TEX264: variants seen among roughly 807,000 people sequenced by gnomAD.
TEX264 encodes testis expressed 264, ER-phagy receptor, also known as testis-expressed protein 264.
A neutral mutation model predicts 23.4 loss-of-function variants in TEX264; 13 were observed. The ratio of observed to expected loss-of-function variants is 0.56; its 90% CI spans 0.36 to 0.88. TEX264 has a LOEUF of 0.88. Among genes scored for constraint, TEX264 ranks in the 40% least tolerant of loss-of-function variants. The pLI is 0.01. For missense variants in TEX264, 340 were observed against 406.8 expected, an observed-to-expected ratio of 0.84 and a Z score of 1.41; for synonymous variants, 159 against 170.0, an observed-to-expected ratio of 0.94 and a Z score of 0.50.
chr3:51,702,001 C>T (rs1169627685), intron 4 of TEX264, among the ~76,000 whole-genome samples: 1 of 152,154 alleles, frequency 6.6e-6, no homozygotes, highest in Non-Finnish European at 1.5e-5. Flanking sequence ...GCAGGCTGTC[C>T]TGGCCTGAAG....
intron 3 of TEX264, among the ~76,000 whole-genome samples, chr3:51,690,191 TG>T (rs1186554292): frequency 6.6e-6 from 1 of 152,120 alleles, no homozygotes; most frequent in Non-Finnish European, 1.5e-5. Flanking sequence ...GAGTCCACAC[TG>T]GGGCCAAAAC....
chr3:51,689,096 GT>G (rs995599968), intron 3 of TEX264, among the ~76,000 whole-genome samples: 2 of 152,050 alleles, frequency 1.3e-5, no homozygotes, highest in African/African-American at 4.8e-5. Flanking sequence ...TCTATCCTGG[GT>G]GACAGAGTGA....
intron 4 of TEX264, among the ~76,000 whole-genome samples, chr3:51,701,844 C>T (rs572237731): frequency 9.9e-5 from 15 of 152,258 alleles, no homozygotes; most frequent in African/African-American, 3.6e-4. Flanking sequence ...GTTGGCCAGG[C>T]TGGTCTGGAA....
intron 3 of TEX264, among the ~76,000 whole-genome samples, chr3:51,695,111 A>G (rs1703004741): frequency 6.6e-6 from 1 of 152,102 alleles, no homozygotes; most frequent in East Asian, 1.9e-4. Flanking sequence ...GCATCACTTC[A>G]CCCAGTGAGG....
At chr3:51,695,457 A>G (rs906433791) in intron 3 of TEX264, among the ~76,000 whole-genome samples, 2 of 152,146 alleles carry the variant, frequency 1.3e-5, no homozygotes, top group Admixed American at 6.6e-5. Context: ...TTTGCTCCCA[A>G]TCCCTAGCTG....
In TEX264 at chr3:51,701,983, T is replaced by C. The variant is rs1240203122; in HGVS notation, c.650-1741T>C. ...GTATATATGTCTCCAGGGGCTGTCT[T>C]CATTTCAGCAGGCTGTCCTGGCCTG... On this transcript the variant is annotated intron_variant, in intron 4 of 4. Coordinates refer to ENST00000341333, the MANE Select transcript of TEX264 (RefSeq NM_015926.6). Among the ~76,000 whole-genome samples the C allele has an allele frequency of 3.3e-5, 5 of 152,140 alleles. No homozygotes were observed. The South Asian group carries it at 8.3e-4, about 25-fold the overall frequency.
chr3:51,680,578 C>T (rs1356463380), intron 2 of TEX264, among the ~76,000 whole-genome samples: 2 of 152,240 alleles, frequency 1.3e-5, no homozygotes, highest in African/African-American at 2.4e-5. Flanking sequence ...TTTGAGGACA[C>T]ATCCTGGATG....
intron 3 of TEX264, among the ~76,000 whole-genome samples, chr3:51,685,338 C>T (rs1702584715): frequency 1.3e-5 from 2 of 152,244 alleles, no homozygotes; most frequent in African/African-American, 4.8e-5. Flanking sequence ...ATTGTTCATT[C>T]ATTTAACTTG....
chr3:51,703,223 C>T lies in TEX264; in HGVS notation c.650-501C>T, dbSNP rs531814682. On this transcript the variant is annotated intron_variant, in intron 4 of 4. Transcript: ENST00000341333. This position sits in a 1 kb window ranked among gnomAD's most constrained non-coding sequence, Gnocchi z 4.8. ...CCTGGGAGCCCTGCACGGGGGAGGGCTGCAGAGGGGCCTCCTGCTGCATTC... is the reference window on the plus strand; with the variant it reads ...CCTGGGAGCCCTGCACGGGGGAGGGTTGCAGAGGGGCCTCCTGCTGCATTC... Among the ~76,000 whole-genome samples the T allele has an allele frequency of 1.3e-5, 2 of 152,354 alleles. No homozygotes were observed. Among genetic ancestry groups the T allele is most frequent in the African/African-American group, 4.8e-5 (2 of 41,594 alleles).
At position 51,671,281 on chromosome 3, in the gene TEX264, C is replaced by G. The variant is rs1702030046; in HGVS notation, c.-42C>G. 1.3e-5 allele frequency: 2 copies of G among 152,180 alleles called. No individual in the cohort carries two copies. Among genetic ancestry groups the G allele is most frequent in the Non-Finnish European group, 1.5e-5 (1 of 68,024 alleles). The allele number at this position is 152,180 out of a possible 1,614,324, so 9.4% of individuals were successfully genotyped here. A position where few individuals can be genotyped will look rare whatever the true frequency, so the allele number is the denominator to read the frequency against. On this transcript the variant is annotated 5_prime_UTR_variant, in exon 1 of 5. Transcript: ENST00000341333. ...GCGGATCGGCGTCCGCAGCGGGCGG[C>G]TGCTGAGGTGAGGGCCGGGCCAGAG...
At chr3:51,699,880 A>G (rs577955120) in intron 4 of TEX264, among the ~76,000 whole-genome samples, 1 of 152,286 alleles carries the variant, frequency 6.6e-6, no homozygotes, top group East Asian at 1.9e-4. Flanking sequence ...GATCACAGAC[A>G]GCTCGATGTT....
rs1702822871 is a variant in TEX264, at chr3:51,691,431, C to T, written c.480+6797C>T. 6.6e-6 allele frequency among the ~76,000 whole-genome samples: 1 copy of T among 152,214 alleles called. No individual in the cohort carries two copies. The highest frequency in any genetic ancestry group is 1.9e-4 in the East Asian group (1 of 5,204). On this transcript the variant is annotated intron_variant, in intron 3 of 4. Transcript: ENST00000341333. This position sits in a 1 kb window ranked among gnomAD's most constrained non-coding sequence, Gnocchi z 4.4. ...AATCCTCCAGCACTCTTTCCTCTTCCACCTCCTCCAGCCACAGAGCCTAGC... is the reference window on the plus strand; with the variant it reads ...AATCCTCCAGCACTCTTTCCTCTTCTACCTCCTCCAGCCACAGAGCCTAGC...
intron 3 of TEX264, among the ~76,000 whole-genome samples, chr3:51,688,938 G>A (rs1457149584): frequency 3.3e-5 from 5 of 151,356 alleles, no homozygotes; most frequent in Admixed American, 2.0e-4. Context: ...ACCAGCCTGG[G>A]CAACATAAGT....
At chr3:51,677,523 G>A (rs1028917072) in intron 2 of TEX264, among the ~76,000 whole-genome samples, 2 of 152,184 alleles carry the variant, frequency 1.3e-5, no homozygotes, top group African/African-American at 4.8e-5. Flanking sequence ...TGGGGAGGCA[G>A]TGAGGCTGTG....
chr3:51,697,023 G>A (rs377490499), intron 3 of TEX264, among the ~76,000 whole-genome samples: 2 of 152,204 alleles, frequency 1.3e-5, no homozygotes, highest in African/African-American at 4.8e-5. Context: ...GGGCTGTGTC[G>A]CAGGGCCACA....
chr3:51,696,400 C>T (rs1397806629), intron 3 of TEX264, among the ~76,000 whole-genome samples: 1 of 152,188 alleles, frequency 6.6e-6, no homozygotes, highest in East Asian at 1.9e-4. Flanking sequence ...CTGGCCTCGC[C>T]TTCCTCCAAT....
rs1702030686 is a variant in TEX264, at chr3:51,671,301, C to G, written c.-35+13C>G. 6.6e-6 allele frequency: 1 copy of G among 152,172 alleles called. No homozygotes were observed. Among genetic ancestry groups the G allele is most frequent in the Admixed American group, 6.5e-5 (1 of 15,288 alleles). 9.4% of individuals were successfully genotyped at this position (152,172 alleles called of 1,614,324 possible). A position where few individuals can be genotyped will look rare whatever the true frequency, so the allele number is the denominator to read the frequency against. On this transcript the variant is annotated intron_variant, in intron 1 of 4. Transcript: ENST00000341333. Reference sequence around the variant, plus strand: ...GGCGGCTGCTGAGGTGAGGGCCGGGCCAGAGGAGAGGCATACCCACTGGGG... The same window carrying G: ...GGCGGCTGCTGAGGTGAGGGCCGGGGCAGAGGAGAGGCATACCCACTGGGG...
At chr3:51,677,205 T>C (rs1338797702) in intron 2 of TEX264, among the ~76,000 whole-genome samples, 2 of 152,184 alleles carry the variant, frequency 1.3e-5, no homozygotes, top group African/African-American at 4.8e-5. Flanking sequence ...GTTTTTGTTT[T>C]CATTTAACAA....
intron 3 of TEX264, among the ~76,000 whole-genome samples, chr3:51,689,530 C>T (rs1022108917): frequency 1.3e-5 from 2 of 152,060 alleles, no homozygotes; most frequent in South Asian, 4.2e-4. Flanking sequence ...TCTCAGACTG[C>T]CCTGGCTGTG....
Sources: gnomAD v4.1 joint callset for allele counts (sites outside exome capture counted in the v4.1 genomes callset) on GRCh38, gnomAD v4.1.1 for gene constraint, Gnocchi (gnomAD v3.1) non-coding constraint, MANE v1.5 for transcripts, NCBI Gene and HGNC (gene_info 2026-07-23, HGNC 2026-07-21) for gene names.